The following RAC1 variants were observed in gnomAD, a reference collection of about 807,000 sequenced individuals.
RAC1 encodes the protein Rac family small GTPase 1.
A neutral mutation model predicts 25.2 loss-of-function variants in RAC1; 2 were observed. The observed-to-expected ratio is 0.08, with a 90% CI of 0.03 to 0.25. The LOEUF is 0.25. Among genes scored for constraint, RAC1 ranks in the 10% least tolerant of loss-of-function variants. The pLI, the probability that RAC1 is intolerant of heterozygous loss-of-function variation, is 1.00. For synonymous variants in RAC1, 88 were observed against 94.0 expected, an observed-to-expected ratio of 0.94 and a Z score of 0.37; for missense variants, 50 against 235.7, an observed-to-expected ratio of 0.21 and a Z score of 5.16.
At chr7:6,396,034 G>A (rs1783227192) in intron 3 of RAC1, among the ~76,000 whole-genome samples, 1 of 152,202 alleles carries the variant, frequency 6.6e-6, no homozygotes, top group Admixed American at 6.5e-5. Context: ...CACCGAGGAG[G>A]GAGTGGTGTG....
chr7:6,393,999 CTT>C (rs1783159555), intron 3 of RAC1, among the ~76,000 whole-genome samples: 1 of 152,154 alleles, frequency 6.6e-6, no homozygotes, highest in African/African-American at 2.4e-5. Context: ...ACCTGGGTCT[CTT>C]GTTGATAAAG....
At chr7:6,395,426 GTT>G (rs1434944886) in intron 3 of RAC1, among the ~76,000 whole-genome samples, 2 of 152,206 alleles carry the variant, frequency 1.3e-5, no homozygotes, top group Non-Finnish European at 2.9e-5. Context: ...CACACATGTG[GTT>G]CCGCAGAACT....
At chr7:6,384,235 C>T (rs1313729114) in intron 1 of RAC1, among the ~76,000 whole-genome samples, 2 of 152,170 alleles carry the variant, frequency 1.3e-5, no homozygotes, top group African/African-American at 4.8e-5. Context: ...CTTATGTTCA[C>T]TGTCCAGTCC....
At chr7:6,391,882 G>C in intron 2 of RAC1, 42 bp from the exon 3 acceptor site, 4 of 1,613,496 alleles carry the variant, frequency 2.5e-6, no homozygotes, top group Non-Finnish European at 2.5e-6. Context: ...CAGTGACTTA[G>C]CTTCTACACC....
At chr7:6,381,656 A>G (rs1217976574) in intron 1 of RAC1, among the ~76,000 whole-genome samples, 2 of 152,060 alleles carry the variant, frequency 1.3e-5, no homozygotes, top group African/African-American at 2.4e-5. Flanking sequence ...TGCCCTCCTA[A>G]AGTGCTAGGA....
In RAC1 at chr7:6,403,872, C is replaced by G. The variant is rs1783489623; in HGVS notation, c.*1426C>G. 4.5e-6 allele frequency: 1 copy of G among 223,504 alleles called. No individual in the cohort carries two copies. Among genetic ancestry groups the G allele is most frequent in the Admixed American group, 5.7e-5 (1 of 17,426 alleles). 13.8% of individuals were successfully genotyped at this position (223,504 alleles called of 1,614,324 possible). A position where few individuals can be genotyped will look rare whatever the true frequency, so the allele number is the denominator to read the frequency against. On this transcript the variant is annotated 3_prime_UTR_variant, in exon 6 of 6. Coordinates refer to ENST00000348035, the MANE Select transcript of RAC1 (RefSeq NM_006908.5). ...ACTACAACAGAATTTTTTAAATTGA[C>G]AGTTGCAGAATTGTGGAGTGTTTTT...
chr7:6,401,603 C>G (rs959030314), intron 4 of RAC1: 3 of 274,372 alleles, frequency 1.1e-5, no homozygotes, highest in Non-Finnish European at 1.4e-5. Context: ...TCCCTTCCCC[C>G]CTTCCCCTGC....
intron 3 of RAC1, among the ~76,000 whole-genome samples, chr7:6,399,641 T>A (rs1489368538): frequency 6.6e-6 from 1 of 152,188 alleles, no homozygotes; most frequent in Non-Finnish European, 1.5e-5. Context: ...CCTCCTTCCT[T>A]GTGGAGGGAA....
At chr7:6,386,370 A>T (rs545796161) in intron 1 of RAC1, among the ~76,000 whole-genome samples, 1 of 152,304 alleles carries the variant, frequency 6.6e-6, no homozygotes, top group East Asian at 1.9e-4. Flanking sequence ...GAGAACAGTC[A>T]TTGCTGATTG....
chr7:6,379,891 GGCCCGA>G (rs1309380090), intron 1 of RAC1, among the ~76,000 whole-genome samples: 6 of 152,140 alleles, frequency 3.9e-5, no homozygotes, highest in Non-Finnish European at 7.4e-5. Flanking sequence ...TGGAATTACA[GGCCCGA>G]GCCACTGCGC....
chr7:6,384,617 AC>A (rs1364673898), intron 1 of RAC1, among the ~76,000 whole-genome samples: 1 of 152,048 alleles, frequency 6.6e-6, no homozygotes, highest in African/African-American at 2.4e-5. Flanking sequence ...AGCTGGGACT[AC>A]AGGCAAGAGC....
At chr7:6,374,964 G>C (rs1348610122) in intron 1 of RAC1, among the ~76,000 whole-genome samples, 194 bp downstream of exon 1, 1 of 151,710 alleles carries the variant, frequency 6.6e-6, no homozygotes, top group African/African-American at 2.4e-5. Flanking sequence ...GCGCGTGCCT[G>C]GTTCCGGCTC....
At chr7:6,376,435 G>C (rs893134263) in intron 1 of RAC1, among the ~76,000 whole-genome samples, 1 of 151,140 alleles carries the variant, frequency 6.6e-6, no homozygotes, top group Admixed American at 6.6e-5. Context: ...CCACCCGCCT[G>C]GGTCTCCCAG....
intron 3 of RAC1, chr7:6,399,788 G>A (rs1469438940): frequency 8.3e-6 from 2 of 240,592 alleles, no homozygotes; most frequent in Non-Finnish European, 1.6e-5. Flanking sequence ...CAGAAATATT[G>A]GAATCATACC....
intron 1 of RAC1, among the ~76,000 whole-genome samples, chr7:6,386,556 C>T (rs1425135260): frequency 6.6e-6 from 1 of 151,714 alleles, no homozygotes; most frequent in Admixed American, 6.6e-5. Context: ...TCCAGGTGGG[C>T]GGATCACTTG....
At chr7:6,393,720 T>C (rs981472607) in intron 3 of RAC1, among the ~76,000 whole-genome samples, 1 of 152,196 alleles carries the variant, frequency 6.6e-6, no homozygotes, top group Non-Finnish European at 1.5e-5. Flanking sequence ...GACATGGTTC[T>C]TGCCCTCAGG....
At position 6,403,622 on chromosome 7, in the gene RAC1, T is replaced by TA. The variant is rs1162213396; in HGVS notation, c.*1179dup. 4.7e-6 allele frequency: 1 copy of TA among 212,712 alleles called. No individual in the cohort carries two copies. The highest frequency in any genetic ancestry group is 9.5e-6 in the Non-Finnish European group (1 of 105,052). The allele number at this position is 212,712 out of a possible 1,614,324, so 13.2% of individuals were successfully genotyped here. A position where few individuals can be genotyped will look rare whatever the true frequency, so the allele number is the denominator to read the frequency against. On this transcript the variant is annotated 3_prime_UTR_variant, in exon 6 of 6. Coordinates refer to ENST00000348035, the MANE Select transcript of RAC1 (RefSeq NM_006908.5). The stretch of plus-strand genomic sequence containing the variant: ...TTTTTAAAATATTTTAGATAATTCT[T>TA]AAACTATGAACCTTCTTAACATCAC...
At chr7:6,391,851 C>T (rs905055165) in intron 2 of RAC1, 73 bp from the exon 3 acceptor site, 2 of 1,604,346 alleles carry the variant, frequency 1.2e-6, no homozygotes, top group African/African-American at 2.7e-5. Context: ...TCTTGGCACA[C>T]CTTCTCTAGG....
chr7:6,383,852 G>A (rs950568569), intron 1 of RAC1, among the ~76,000 whole-genome samples: 1 of 125,684 alleles, frequency 8.0e-6, no homozygotes, highest in Non-Finnish European at 1.6e-5. Flanking sequence ...GCCCAGGCTG[G>A]AGTGCAATGG....
Sources: gnomAD v4.1 joint callset for allele counts (sites outside exome capture counted in the v4.1 genomes callset) on GRCh38, gnomAD v4.1.1 for gene constraint, MANE v1.5 for transcripts, NCBI Gene and HGNC (gene_info 2026-07-23, HGNC 2026-07-21) for gene names.